Variants in CBLB observed in about 807,000 individuals in gnomAD.
CBLB encodes Cbl proto-oncogene B.
CBLB carries 31 observed loss-of-function variants against 104.9 expected under a neutral mutation model. That is an observed-to-expected ratio of 0.30 (90% CI 0.22 to 0.40). CBLB has a LOEUF of 0.40. Ranked by LOEUF, CBLB falls within the 10% of genes least tolerant of loss-of-function variation. The pLI, the probability that CBLB is intolerant of heterozygous loss-of-function variation, is 1.00. For synonymous variants in CBLB, 440 were observed against 422.6 expected (o/e 1.04, Z -0.51); for missense variants, 1,062 against 1,214.6 (o/e 0.87, Z 1.87).
chr3:105,826,600 A>G (rs908980432), intron 3 of CBLB, among the ~76,000 whole-genome samples: 8 of 152,100 alleles, frequency 5.3e-5, no homozygotes, highest in Non-Finnish European at 7.4e-5. Flanking sequence ...TCACCCTTTC[A>G]TCCTCTTGTA....
intron 3 of CBLB, among the ~76,000 whole-genome samples, chr3:105,846,223 C>T (rs548512067): frequency 6.6e-6 from 1 of 151,870 alleles, no homozygotes; most frequent in Admixed American, 6.6e-5. Context: ...CCTTTGTCCT[C>T]ATCAAATTCA....
chr3:105,684,381 T>C (rs190937836), intron 14 of CBLB, among the ~76,000 whole-genome samples: 17 of 152,294 alleles, frequency 1.1e-4, no homozygotes, highest in Non-Finnish European at 2.4e-4. Context: ...TTCAATAATA[T>C]AAATGCAGAC....
intron 3 of CBLB, among the ~76,000 whole-genome samples, chr3:105,783,081 A>G (rs2080488223): frequency 6.6e-6 from 1 of 152,224 alleles, no homozygotes; most frequent in African/African-American, 2.4e-5. Context: ...AAGCTTCCAC[A>G]AGATATTCAA....
At chr3:105,794,541 A>C (rs2082041178) in intron 3 of CBLB, among the ~76,000 whole-genome samples, 1 of 152,160 alleles carries the variant, frequency 6.6e-6, no homozygotes, top group African/African-American at 2.4e-5. Context: ...CTTACTTATA[A>C]AGGTGAAACT....
intron 10 of CBLB, among the ~76,000 whole-genome samples, chr3:105,713,094 A>AC (rs1006600932): frequency 2.6e-5 from 4 of 152,064 alleles, no homozygotes; most frequent in Non-Finnish European, 5.9e-5. Context: ...TTAGAGTGAG[A>AC]CCCCATCTTT....
intron 3 of CBLB, among the ~76,000 whole-genome samples, chr3:105,791,910 AC>A (rs1250190711): frequency 6.6e-6 from 1 of 152,200 alleles, no homozygotes; most frequent in African/African-American, 2.4e-5. Flanking sequence ...TATATATGCC[AC>A]AAGGAATAAT....
chr3:105,799,665 TG>T (rs1388237897), intron 3 of CBLB, among the ~76,000 whole-genome samples: 1 of 152,160 alleles, frequency 6.6e-6, no homozygotes, highest in South Asian at 2.1e-4. Context: ...AACAATAAAA[TG>T]TTTTTTTAAA....
intron 2 of CBLB, among the ~76,000 whole-genome samples, chr3:105,864,083 T>C (rs2092284125): frequency 6.6e-6 from 1 of 152,162 alleles, no homozygotes; most frequent in South Asian, 2.1e-4. Flanking sequence ...ATAATGCTGT[T>C]CCTAAAAGGC....
chr3:105,822,826 C>G (rs1236969547), intron 3 of CBLB, among the ~76,000 whole-genome samples: 1 of 152,180 alleles, frequency 6.6e-6, no homozygotes, highest in Non-Finnish European at 1.5e-5. Flanking sequence ...GGTACATCAG[C>G]ATTTTCTGCT....
At chr3:105,752,596 G>C (rs2076693012) in intron 4 of CBLB, among the ~76,000 whole-genome samples, 1 of 152,030 alleles carries the variant, frequency 6.6e-6, no homozygotes, top group Admixed American at 6.6e-5. Flanking sequence ...TAAATCTTAG[G>C]TTTCCTTTAC....
At chr3:105,864,305 A>T (rs2092298695) in intron 2 of CBLB, among the ~76,000 whole-genome samples, 1 of 152,178 alleles carries the variant, frequency 6.6e-6, no homozygotes, top group Non-Finnish European at 1.5e-5. Flanking sequence ...CTAGCTTCAT[A>T]TCCCCAGTAA....
chr3:105,868,973 C>T lies in CBLB; in HGVS notation c.-252G>A. ...CCGACTCGGGGAGGCCGCGGGACGC[C>T]GCAGCAGCACTAGCAGGAGGAGGAG... On this transcript the variant is annotated 5_prime_UTR_variant, in exon 1 of 19. Transcript: ENST00000394030. 2 of 1,028,478 alleles carry T rather than the reference C, an allele frequency of 1.9e-6. No individual in the cohort carries two copies. The highest frequency in any genetic ancestry group is 1.7e-5 in the African/African-American group (1 of 57,530). 63.7% of individuals were successfully genotyped at this position (1,028,478 alleles called of 1,614,324 possible). A position where few individuals can be genotyped will look rare whatever the true frequency, so the allele number is the denominator to read the frequency against.
intron 3 of CBLB, among the ~76,000 whole-genome samples, chr3:105,850,152 T>C (rs947350398): frequency 6.6e-6 from 1 of 152,088 alleles, no homozygotes; most frequent in Admixed American, 6.6e-5. Context: ...AGTTACATAA[T>C]TGGTTAGACG....
chr3:105,721,755 A>C (rs1447570307), intron 9 of CBLB, among the ~76,000 whole-genome samples: 1 of 152,178 alleles, frequency 6.6e-6, no homozygotes, highest in Non-Finnish European at 1.5e-5. Flanking sequence ...TCTATTTTTG[A>C]TAACCTCCTT....
intron 4 of CBLB, among the ~76,000 whole-genome samples, chr3:105,776,088 T>C (rs1485392518): frequency 6.6e-6 from 1 of 152,184 alleles, no homozygotes; most frequent in East Asian, 1.9e-4. Context: ...ACATATTAAA[T>C]TATAAGAAGT....
intron 3 of CBLB, among the ~76,000 whole-genome samples, chr3:105,794,233 T>C (rs989630205): frequency 3.3e-5 from 5 of 152,310 alleles, no homozygotes; most frequent in African/African-American, 1.2e-4. Flanking sequence ...TCTTGACAAC[T>C]GTTACCATGT....
intron 9 of CBLB, among the ~76,000 whole-genome samples, chr3:105,729,648 A>G (rs1162271686): frequency 6.6e-6 from 1 of 152,060 alleles, no homozygotes; most frequent in East Asian, 1.9e-4. Flanking sequence ...ACTTTTGGCA[A>G]TATTTTGTGG....
chr3:105,678,471 G>T lies in CBLB; in HGVS notation c.2529C>A (p.Ser843Arg). Reference sequence around the variant, plus strand: ...AAAGATCCTGTCCTGAGGATGGCCGGCTACTGGAGCCAGGAGGTTTTGAAT... The same window carrying T: ...AAAGATCCTGTCCTGAGGATGGCCGTCTACTGGAGCCAGGAGGTTTTGAAT... The part of the protein sequence containing the change: ...IEHSKPPGSS[S>R]RPSSGQDLFL... The change falls in exon 17 of 19, where the codon AGC becomes AGA. Residue 843 changes from serine (S) to arginine (R), a missense_variant. Physicochemically the swap from Ser to Arg is moderately radical, Grantham distance 110 (BLOSUM62 -1). Around this residue, in one of 2 missense-constraint regions of CBLB, gnomAD observed 605 missense variants for 582.6 expected, o/e 1.04. Coordinates refer to ENST00000394030, the MANE Select transcript of CBLB (RefSeq NM_170662.5). The T allele has an allele frequency of 6.2e-7, 1 of 1,614,010 alleles. No homozygotes were observed. Among genetic ancestry groups the T allele is most frequent in the Non-Finnish European group, 8.5e-7 (1 of 1,179,920 alleles).
chr3:105,730,006 A>G (rs1357576385), intron 9 of CBLB, among the ~76,000 whole-genome samples: 5 of 152,140 alleles, frequency 3.3e-5, no homozygotes, highest in African/African-American at 1.2e-4. Flanking sequence ...TCAAAAGTTG[A>G]AACTTCCTTT....
Sources: gnomAD v4.1 joint callset for allele counts (sites outside exome capture counted in the v4.1 genomes callset) on GRCh38, gnomAD v4.1.1 for gene constraint, gnomAD v4.1.1 regional missense constraint, MANE v1.5 for transcripts, NCBI Gene and HGNC (gene_info 2026-07-23, HGNC 2026-07-21) for gene names.